Variants in ABR observed in about 807,000 individuals in gnomAD.
The protein encoded by ABR is active breakpoint cluster region-related protein.
In ABR, 35 loss-of-function variants were observed where a neutral mutation model predicts 107.2. The observed-to-expected ratio is 0.33, with a 90% CI of 0.25 to 0.43. The LOEUF is 0.43. ABR is among the 20% of genes least tolerant of loss of function. The pLI is 1.00. For missense variants in ABR, 815 were observed against 1,115.2 expected (o/e 0.73, Z 3.83); for synonymous variants, 498 against 462.0 (o/e 1.08, Z -1.00).
intron 1 of ABR, among the ~76,000 whole-genome samples, chr17:1,208,406 T>C (rs1163160711): frequency 6.6e-6 from 1 of 152,212 alleles, no homozygotes; most frequent in Non-Finnish European, 1.5e-5. Context: ...GTGCTGCGTC[T>C]CGATCGGGTG....
At chr17:1,128,036 C>A (rs1214306532) in intron 1 of ABR, among the ~76,000 whole-genome samples, 1 of 151,112 alleles carries the variant, frequency 6.6e-6, no homozygotes, top group African/African-American at 2.5e-5. Flanking sequence ...CATATCCCTC[C>A]TGGTTAAGGG....
chr17:1,121,614 CAAGGCAGGGCTCTGAG>C (rs2039354686), intron 2 of ABR, among the ~76,000 whole-genome samples: 2 of 149,276 alleles, frequency 1.3e-5, no homozygotes, highest in African/African-American at 5.0e-5. Flanking sequence ...GCTGAGTCCC[CAAGGCAGGGCTCTGAG>C]CCCTGCTGTG....
At chr17:1,109,135 G>A (rs2038480851) in intron 2 of ABR, 12 of 1,493,056 alleles carry the variant, frequency 8.0e-6, no homozygotes, top group South Asian at 2.5e-5. Flanking sequence ...GAGGAGGGAG[G>A]AGGGAGGAGG....
At chr17:1,212,526 G>A (rs935390573) in intron 1 of ABR, among the ~76,000 whole-genome samples, 1 of 152,048 alleles carries the variant, frequency 6.6e-6, no homozygotes, top group African/African-American at 2.4e-5. Flanking sequence ...AGGCTGAGGC[G>A]GGCGGATCAT....
At chr17:1,066,993 T>G in intron 10 of ABR, 84 bp downstream of exon 10, 1 of 1,478,152 alleles carries the variant, frequency 6.8e-7, no homozygotes, top group Non-Finnish European at 9.3e-7. Context: ...TCTCAAAGTC[T>G]CAAACCTTAC....
chr17:1,175,509 C>A (rs955765590), intron 1 of ABR, among the ~76,000 whole-genome samples: 2 of 152,188 alleles, frequency 1.3e-5, no homozygotes, highest in African/African-American at 2.4e-5. Flanking sequence ...TTAATACAGG[C>A]AAATGAGTGG....
intron 16 of ABR, among the ~76,000 whole-genome samples, chr17:1,031,059 C>G (rs1450473476): frequency 6.6e-6 from 1 of 152,210 alleles, no homozygotes; most frequent in Non-Finnish European, 1.5e-5. Flanking sequence ...GGACGGAACG[C>G]CTGGTGCCCG....
chr17:1,097,216 A>G (rs924092309), intron 3 of ABR, among the ~76,000 whole-genome samples: 34 of 152,212 alleles, frequency 2.2e-4, no homozygotes, highest in Non-Finnish European at 7.4e-5. Context: ...GTGTTGTGGC[A>G]GAAACCACGA....
upstream of ABR, among the ~76,000 whole-genome samples, chr17:1,188,830 T>C (rs987577018): frequency 4.6e-5 from 7 of 152,230 alleles, no homozygotes; most frequent in African/African-American, 1.7e-4. Flanking sequence ...GGGGGCAGTC[T>C]GACCCAGCTG....
At chr17:1,173,045 A>ACATCACCTCAGCCCACCCCCCC in intron 1 of ABR, among the ~76,000 whole-genome samples, 1 of 90,290 alleles carries the variant, frequency 1.1e-5, no homozygotes, top group South Asian at 4.1e-4. Context: ...CCCACCCAAC[A>ACATCACCTCAGCCCACCCCCCC]CATCACCTCA....
intron 21 of ABR, among the ~76,000 whole-genome samples, chr17:1,008,686 GCTGAGCTGCAGCGGGGGGCCTGGCC>G (rs2070264368): frequency 6.6e-6 from 1 of 152,236 alleles, no homozygotes; most frequent in Non-Finnish European, 1.5e-5. Context: ...GCCTGGCGTG[GCTGAGCTGCAGCGGGGGGCCTGGCC>G]CTGAGCTGGG....
At chr17:1,012,929 C>T in intron 17 of ABR, 132 bp from the exon 18 acceptor site, 1 of 1,061,852 alleles carries the variant, frequency 9.4e-7, no homozygotes, top group Non-Finnish European at 1.4e-6. Context: ...CTCAACACAA[C>T]ACCTGCAGGA....
chr17:1,055,320 A>C (rs1003431448), intron 14 of ABR: 1 of 152,274 alleles, frequency 6.6e-6, no homozygotes, highest in Admixed American at 6.5e-5. Flanking sequence ...TGAGCGTGGC[A>C]GCACACCAGC....
At position 1,092,360 on chromosome 17, in the gene ABR, CAG is replaced by C. The variant is rs58512383; in HGVS notation, c.346-512_346-511del. 0.029 allele frequency among the ~76,000 whole-genome samples: 4,372 copies of C among 152,260 alleles called. 213 individuals are homozygous for C. Among genetic ancestry groups the C allele is most frequent in the African/African-American group, 0.099 (4,106 of 41,522 alleles). ...TGTTCCAAGTTCCCGTCACTTGGCA[CAG>C]GGAGAGGCATGGGCGTTCACGTGTC... On this transcript the variant is annotated intron_variant, in intron 3 of 22. Transcript: ENST00000302538. This position sits in a 1 kb window ranked among gnomAD's most constrained non-coding sequence, Gnocchi z 4.6.
intron 1 of ABR, among the ~76,000 whole-genome samples, chr17:1,160,796 G>A (rs924710834): frequency 2.6e-5 from 4 of 152,184 alleles, no homozygotes; most frequent in Admixed American, 6.5e-5. Context: ...CAGACGTGGC[G>A]CATCTGAGAA....
rs1222586729 is a variant in ABR at position 1,071,175 on chromosome 17, G to A, written c.895-1085C>T. ...TGAGATTCAGTCTCAAAAAAAGGAT[G>A]ACTGAAAACGGAGGGTACGCTAAGC... On this transcript the variant is annotated intron_variant, in intron 8 of 22. Coordinates refer to ENST00000302538, the MANE Select transcript of ABR (RefSeq NM_021962.5). The surrounding 1 kb of genome is among the most constrained non-coding windows in gnomAD (Gnocchi z 5.1). 6.6e-6 allele frequency among the ~76,000 whole-genome samples: 1 copy of A among 152,058 alleles called. No homozygotes were observed. The highest frequency in any genetic ancestry group is 1.5e-5 in the Non-Finnish European group (1 of 67,992).
At chr17:1,062,377 C>A (rs1485529805) in intron 10 of ABR, among the ~76,000 whole-genome samples, 7 of 145,966 alleles carry the variant, frequency 4.8e-5, no homozygotes, top group African/African-American at 1.8e-4. Context: ...GTTATGTGAA[C>A]TGAGGGCTAT....
rs1309002715 is a variant in ABR at position 1,009,693 on chromosome 17, C to T, written c.2328G>A (p.Leu776=). The change falls in exon 21 of 23, where the codon CTG becomes CTA. Residue 776 remains leucine (L), a synonymous_variant. Coordinates refer to ENST00000302538, the MANE Select transcript of ABR (RefSeq NM_021962.5). ...DPNLITFLFL[L]EHLKRVAEKE... Reference sequence around the variant, plus strand: ...CTCCCCGTTACCTTTTCAAGTGTTCCAGCAGGAAGAGGAAGGTGATGAGGT... The same window carrying T: ...CTCCCCGTTACCTTTTCAAGTGTTCTAGCAGGAAGAGGAAGGTGATGAGGT... 1 of 1,613,550 alleles carries T rather than the reference C, an allele frequency of 6.2e-7. No homozygotes were observed. The highest frequency in any genetic ancestry group is 8.5e-7 in the Non-Finnish European group (1 of 1,179,610).
intron 1 of ABR, among the ~76,000 whole-genome samples, chr17:1,138,152 C>T (rs2040157370): frequency 6.6e-6 from 1 of 151,968 alleles, no homozygotes; most frequent in South Asian, 2.1e-4. Flanking sequence ...GATCCACCCG[C>T]CTCAGCCTCC....
Sources: allele counts gnomAD v4.1 joint callset (sites outside exome capture counted in the v4.1 genomes callset), GRCh38; gene constraint gnomAD v4.1.1; non-coding constraint Gnocchi (gnomAD v3.1); transcripts MANE v1.5; gene names NCBI Gene and HGNC (gene_info 2026-07-23, HGNC 2026-07-21).